The following RNF185 variants were observed in gnomAD, a reference collection of about 807,000 sequenced individuals.
RNF185 encodes ring finger protein 185, also known as E3 ubiquitin-protein ligase RNF185.
Under a neutral mutation model 24.9 loss-of-function variants are expected in RNF185, and 13 were observed. The ratio of observed to expected loss-of-function variants is 0.52; its 90% CI spans 0.34 to 0.83. RNF185 has a LOEUF of 0.83. RNF185 is among the 40% of genes least tolerant of loss of function. The probability of loss-of-function intolerance (pLI) is 0.01; values close to 1 mark genes in which losing one functional copy is unlikely to be tolerated. For missense variants in RNF185, 184 were observed against 244.7 expected, an observed-to-expected ratio of 0.75 and a Z score of 1.65; for synonymous variants, 79 against 90.3, an observed-to-expected ratio of 0.88 and a Z score of 0.71.
chr22:31,163,454 A>G (rs190717622), intron 1 of RNF185, among the ~76,000 whole-genome samples: 7 of 151,792 alleles, frequency 4.6e-5, no homozygotes, highest in Non-Finnish European at 8.8e-5. Flanking sequence ...CAGCCACCCG[A>G]GTAGTTGGGA....
chr22:31,205,917 T>G lies in RNF185; in HGVS notation c.*1331T>G, dbSNP rs1333467407. ...TCCTCTGAATCTTATTGAGGGACTA[T>G]GGTACCAAGCAGGTAGGACTGTTCA... On this transcript the variant is annotated 3_prime_UTR_variant, in exon 7 of 7. Transcript: ENST00000326132. 1.3e-5 allele frequency: 2 copies of G among 153,586 alleles called. No homozygotes were observed. The highest frequency in any genetic ancestry group is 2.9e-5 in the Non-Finnish European group (2 of 68,226). 9.5% of individuals were successfully genotyped at this position (153,586 alleles called of 1,614,324 possible).
chr22:31,166,777 G>A (rs890853434), intron 1 of RNF185, among the ~76,000 whole-genome samples: 10 of 152,030 alleles, frequency 6.6e-5, no homozygotes, highest in African/African-American at 2.4e-4. Flanking sequence ...AGCCTCCCGA[G>A]TAGCTGGGAT....
chr22:31,201,800 A>C (rs1158207507), intron 6 of RNF185, among the ~76,000 whole-genome samples, 185 bp downstream of exon 6: 1 of 152,172 alleles, frequency 6.6e-6, no homozygotes, highest in Admixed American at 6.6e-5. Flanking sequence ...GCACTTACCA[A>C]CTATTAGGCA....
intron 2 of RNF185, among the ~76,000 whole-genome samples, chr22:31,189,893 A>G (rs1197582087): frequency 3.3e-5 from 5 of 151,914 alleles, no homozygotes; most frequent in Admixed American, 1.3e-4. Flanking sequence ...CATGCCTGCT[A>G]TCAATTTTTT....
intron 2 of RNF185, among the ~76,000 whole-genome samples, 154 bp downstream of exon 2, chr22:31,187,424 C>G (rs763089097): frequency 6.6e-6 from 1 of 152,226 alleles, no homozygotes; most frequent in Non-Finnish European, 1.5e-5. Flanking sequence ...AGCTCTGCTA[C>G]CAATGAGCTG....
chr22:31,197,254 A>T (rs2048214685), intron 5 of RNF185: 1 of 371,204 alleles, frequency 2.7e-6, no homozygotes, highest in East Asian at 5.9e-5. Context: ...TATTTTACAG[A>T]TGTGTGTATA....
chr22:31,165,916 A>G (rs984487400), intron 1 of RNF185, among the ~76,000 whole-genome samples: 2 of 152,218 alleles, frequency 1.3e-5, no homozygotes, highest in African/African-American at 2.4e-5. Flanking sequence ...GCCATAACCA[A>G]ACCATCTTGG....
chr22:31,202,897 A>G (rs914690675), intron 6 of RNF185, among the ~76,000 whole-genome samples: 2 of 152,124 alleles, frequency 1.3e-5, no homozygotes, highest in African/African-American at 2.4e-5. Flanking sequence ...TACAGGCGTG[A>G]GCCACCGCGC....
chr22:31,161,453 ATC>A (rs1329477411), intron 1 of RNF185, among the ~76,000 whole-genome samples: 2 of 152,194 alleles, frequency 1.3e-5, no homozygotes, highest in African/African-American at 4.8e-5. Context: ...ACCTTACATA[ATC>A]TCTTCCTGGT....
chr22:31,161,535 G>A (rs1255940122), intron 1 of RNF185, among the ~76,000 whole-genome samples: 2 of 152,206 alleles, frequency 1.3e-5, no homozygotes, highest in African/African-American at 2.4e-5. Flanking sequence ...CACCTTAAAT[G>A]TTTATTGAAT....
At chr22:31,201,997 A>T (rs530991181) in intron 6 of RNF185, among the ~76,000 whole-genome samples, 2 of 152,254 alleles carry the variant, frequency 1.3e-5, no homozygotes, top group Middle Eastern at 3.4e-3. Flanking sequence ...AGTTCTGCAC[A>T]TTTACTTCCC....
At chr22:31,176,123 T>C (rs544161318) in intron 1 of RNF185, among the ~76,000 whole-genome samples, 3 of 152,336 alleles carry the variant, frequency 2.0e-5, no homozygotes, top group African/African-American at 4.8e-5. Context: ...TACATGTAAG[T>C]ATTTTTTAAA....
intron 2 of RNF185, among the ~76,000 whole-genome samples, chr22:31,189,280 C>CGTT (rs2048132174): frequency 1.6e-5 from 1 of 61,518 alleles, no homozygotes; most frequent in Non-Finnish European, 2.8e-5. Flanking sequence ...TGTTGTATAT[C>CGTT]TTTTTTTTTT....
At chr22:31,185,570 G>A (rs1372860514) in intron 1 of RNF185, among the ~76,000 whole-genome samples, 1 of 152,200 alleles carries the variant, frequency 6.6e-6, no homozygotes. Context: ...TTACAGATGA[G>A]AAAATTATGA....
chr22:31,180,911 CTCTCTGTGTGTGTGTGTGTGTGTG>C (rs1408579755), intron 1 of RNF185, among the ~76,000 whole-genome samples: 7 of 124,532 alleles, frequency 5.6e-5, no homozygotes, highest in South Asian at 3.6e-4. Flanking sequence ...TTTTCTCTCT[CTCTCTGTGTGTGTGTGTGTGTGTG>C]TGTGTGTGTG....
At chr22:31,170,228 G>T (rs750176813) in intron 1 of RNF185, among the ~76,000 whole-genome samples, 1 of 151,928 alleles carries the variant, frequency 6.6e-6, no homozygotes. Context: ...TTGTTCAGTC[G>T]CCCAGGCTGG....
At chr22:31,195,668 C>T in intron 4 of RNF185, 87 bp downstream of exon 4, 2 of 806,570 alleles carry the variant, frequency 2.5e-6, no homozygotes, top group South Asian at 3.2e-5. Context: ...CCACCCTTTA[C>T]TTAGTACTAG....
chr22:31,169,364 A>T (rs997196448), intron 1 of RNF185, among the ~76,000 whole-genome samples: 2 of 152,110 alleles, frequency 1.3e-5, no homozygotes, highest in African/African-American at 4.8e-5. Flanking sequence ...TATGCACAAA[A>T]TTTTTAAATT....
chr22:31,193,724 G>A (rs534542397), intron 3 of RNF185, among the ~76,000 whole-genome samples: 35 of 151,496 alleles, frequency 2.3e-4, no homozygotes, highest in African/African-American at 8.5e-4. Context: ...AATCTGGGAG[G>A]CAGAGGTTGC....
Sources: allele counts gnomAD v4.1 joint callset (sites outside exome capture counted in the v4.1 genomes callset), GRCh38; gene constraint gnomAD v4.1.1; transcripts MANE v1.5; gene names NCBI Gene and HGNC (gene_info 2026-07-23, HGNC 2026-07-21).